Variants in KCNAB1 observed in about 807,000 individuals in gnomAD.
KCNAB1 encodes the protein voltage-gated potassium channel subunit beta-1.
Under a neutral mutation model 64.6 loss-of-function variants are expected in KCNAB1, and 35 were observed. The observed-to-expected ratio is 0.54, with a 90% CI of 0.41 to 0.72. The LOEUF is 0.72. Among genes scored for constraint, KCNAB1 ranks in the 30% least tolerant of loss-of-function variants. The probability of loss-of-function intolerance (pLI) is 0.00; values close to 1 mark genes in which losing one functional copy is unlikely to be tolerated. For missense variants in KCNAB1, 401 were observed against 512.9 expected (o/e 0.78, Z 2.11); for synonymous variants, 177 against 183.8 (o/e 0.96, Z 0.30).
At chr3:156,472,839 G>A (rs868768986) in intron 7 of KCNAB1, among the ~76,000 whole-genome samples, 11 of 152,112 alleles carry the variant, frequency 7.2e-5, no homozygotes, top group African/African-American at 2.7e-4. Context: ...CACGGTCTCA[G>A]GATAAAATTG....
intron 8 of KCNAB1, among the ~76,000 whole-genome samples, chr3:156,509,417 C>A (rs1461641142): frequency 6.6e-6 from 1 of 152,176 alleles, no homozygotes; most frequent in East Asian, 1.9e-4. Context: ...GGTCCAGGAG[C>A]TACACCCTGA....
rs555813153 is a variant in KCNAB1 at position 156,529,887 on chromosome 3, G to A, written c.1082-1522G>A. Among the ~76,000 whole-genome samples the A allele has an allele frequency of 3.3e-4, 50 of 152,284 alleles. 1 individual carries two copies. In the South Asian group the frequency reaches 4.6e-3, roughly 14 times the overall value. ...GTGCTGGTGGGGCATCTAGCAGGAA[G>A]GCCCAGCAGACACTGCATCTATGAG... On this transcript the variant is annotated intron_variant, in intron 12 of 13. Coordinates refer to ENST00000490337, the MANE Select transcript of KCNAB1 (RefSeq NM_172160.3).
chr3:156,513,465 T>C (rs2108389744), intron 8 of KCNAB1, among the ~76,000 whole-genome samples: 1 of 152,342 alleles, frequency 6.6e-6, no homozygotes, highest in Middle Eastern at 3.4e-3. Context: ...CCTGTGACCC[T>C]TTGAAACTGT....
At chr3:156,239,278 C>A (rs906206075) in intron 1 of KCNAB1, among the ~76,000 whole-genome samples, 2 of 152,178 alleles carry the variant, frequency 1.3e-5, no homozygotes, top group Non-Finnish European at 2.9e-5. Context: ...GGGCAGCACA[C>A]TGTTTCTTTT....
At chr3:156,392,325 C>A (rs1411955919) in intron 1 of KCNAB1, among the ~76,000 whole-genome samples, 1 of 152,164 alleles carries the variant, frequency 6.6e-6, no homozygotes, top group Non-Finnish European at 1.5e-5. Flanking sequence ...AATTATTCCT[C>A]CCAAAATACT....
chr3:156,296,079 T>G (rs369907852), intron 1 of KCNAB1, among the ~76,000 whole-genome samples: 7 of 152,344 alleles, frequency 4.6e-5, no homozygotes, highest in African/African-American at 1.7e-4. Context: ...ATGTCTATTT[T>G]TAATCTCAGA....
At chr3:156,221,757 G>A (rs958561614) in intron 1 of KCNAB1, among the ~76,000 whole-genome samples, 3 of 149,478 alleles carry the variant, frequency 2.0e-5, no homozygotes, top group African/African-American at 2.5e-5. Context: ...CAGCCTGGGC[G>A]AAAAGAGCAA....
At chr3:156,441,757 C>T (rs868507416) in intron 2 of KCNAB1, among the ~76,000 whole-genome samples, 11 of 151,946 alleles carry the variant, frequency 7.2e-5, no homozygotes, top group Non-Finnish European at 1.2e-4. Context: ...GTTTTAAAGG[C>T]CCTGGAAACT....
chr3:156,503,329 A>T (rs1336781631), intron 8 of KCNAB1, among the ~76,000 whole-genome samples: 1 of 152,224 alleles, frequency 6.6e-6, no homozygotes, highest in East Asian at 1.9e-4. Flanking sequence ...AATTACAGGG[A>T]AATAATGAGG....
intron 1 of KCNAB1, among the ~76,000 whole-genome samples, chr3:156,212,653 C>T (rs1288697528): frequency 6.6e-6 from 1 of 152,060 alleles, no homozygotes; most frequent in African/African-American, 2.4e-5. Flanking sequence ...AGAGGTCTGA[C>T]CTAAGCAGCT....
chr3:156,333,319 AACACACACACACACACACACACAT>A (rs1235081439), intron 1 of KCNAB1, among the ~76,000 whole-genome samples: 12 of 143,392 alleles, frequency 8.4e-5, no homozygotes, highest in South Asian at 6.8e-4. Context: ...CGCACATAGA[AACACACACACACACACACACACAT>A]ACACACACAC....
At chr3:156,513,754 C>T (rs1717375022) in intron 8 of KCNAB1, among the ~76,000 whole-genome samples, 2 of 152,164 alleles carry the variant, frequency 1.3e-5, no homozygotes, top group South Asian at 4.1e-4. Flanking sequence ...TGTCTTAGGA[C>T]AAAATTTGGT....
chr3:156,292,228 G>T (rs1238208492), intron 1 of KCNAB1: 5 of 1,338,998 alleles, frequency 3.7e-6, no homozygotes, highest in East Asian at 2.4e-5. Context: ...TCATCAGTGG[G>T]TTGCTCACTT....
At chr3:156,359,421 C>A (rs1725464568) in intron 1 of KCNAB1, among the ~76,000 whole-genome samples, 1 of 152,192 alleles carries the variant, frequency 6.6e-6, no homozygotes, top group African/African-American at 2.4e-5. Context: ...CATCCTCCCC[C>A]ATAACCCATT....
intron 2 of KCNAB1, among the ~76,000 whole-genome samples, chr3:156,447,989 A>T (rs1050018439): frequency 6.6e-6 from 1 of 152,214 alleles, no homozygotes; most frequent in Non-Finnish European, 1.5e-5. Flanking sequence ...TAATCACCAA[A>T]CGATAATGAG....
At chr3:156,394,019 T>A (rs1713244683) in intron 1 of KCNAB1, among the ~76,000 whole-genome samples, 1 of 152,256 alleles carries the variant, frequency 6.6e-6, no homozygotes, top group Admixed American at 6.5e-5. Flanking sequence ...GACCTGACTC[T>A]GTCCTTCCAT....
intron 2 of KCNAB1, among the ~76,000 whole-genome samples, chr3:156,433,713 T>C (rs1446650428): frequency 6.6e-6 from 1 of 152,210 alleles, no homozygotes; most frequent in Non-Finnish European, 1.5e-5. Flanking sequence ...ATCTGTCAGC[T>C]TGACAAGGGA....
intron 1 of KCNAB1, among the ~76,000 whole-genome samples, chr3:156,242,448 A>T (rs1448013907): frequency 1.3e-5 from 2 of 152,202 alleles, no homozygotes; most frequent in East Asian, 1.9e-4. Flanking sequence ...CCCGCTTCCC[A>T]CATGCTTCTG....
intron 5 of KCNAB1, among the ~76,000 whole-genome samples, chr3:156,463,436 T>C (rs1159240737): frequency 6.6e-6 from 1 of 152,184 alleles, no homozygotes; most frequent in East Asian, 1.9e-4. Flanking sequence ...GTTCCCAATC[T>C]GACTTGTTAT....
Sources: allele counts gnomAD v4.1 joint callset (sites outside exome capture counted in the v4.1 genomes callset), GRCh38; gene constraint gnomAD v4.1.1; transcripts MANE v1.5; gene names NCBI Gene and HGNC (gene_info 2026-07-23, HGNC 2026-07-21).